The following SIN3A variants were observed in gnomAD, a reference collection of about 807,000 sequenced individuals.
SIN3A encodes the protein paired amphipathic helix protein Sin3a.
In SIN3A, 14 loss-of-function variants were observed where a neutral mutation model predicts 146.1. The ratio of observed to expected loss-of-function variants is 0.10; its 90% confidence interval spans 0.06 to 0.15. The LOEUF (loss-of-function observed/expected upper bound fraction) is 0.15, where lower values mean the gene tolerates loss of function less well. Ranked by LOEUF, SIN3A falls within the 10% of genes least tolerant of loss-of-function variation. The pLI is 1.00. For synonymous variants in SIN3A, 572 were observed against 572.0 expected (o/e 1.00, Z 0.00); for missense variants, 1,028 against 1,576.0 (o/e 0.65, Z 5.89).
chr15:75,372,262 C>A, intron 20 of SIN3A, 53 bp from the exon 21 acceptor site: 2 of 1,247,772 alleles, frequency 1.6e-6, no homozygotes, highest in East Asian at 2.4e-5. Flanking sequence ...CAAAAAAGAG[C>A]CCTTCAAATA....
At chr15:75,437,105 T>C (rs933356689) in intron 1 of SIN3A, among the ~76,000 whole-genome samples, 6 of 151,974 alleles carry the variant, frequency 3.9e-5, no homozygotes, top group Non-Finnish European at 5.9e-5. Context: ...AACAGCCAAG[T>C]CTTCCATGTA....
chr15:75,435,504 C>G (rs1399013634), intron 1 of SIN3A, among the ~76,000 whole-genome samples: 1 of 152,084 alleles, frequency 6.6e-6, no homozygotes, highest in Non-Finnish European at 1.5e-5. Flanking sequence ...TCGAGACCAA[C>G]CTGACCAACA....
intron 12 of SIN3A, among the ~76,000 whole-genome samples, chr15:75,398,756 T>C (rs1031616435): frequency 6.6e-6 from 1 of 151,994 alleles, no homozygotes; most frequent in Non-Finnish European, 1.5e-5. Context: ...ATGTGTGTAA[T>C]CCCAGCACTT....
intron 17 of SIN3A, among the ~76,000 whole-genome samples, chr15:75,383,591 C>T (rs569144034): frequency 7.9e-4 from 119 of 151,328 alleles, no homozygotes; most frequent in African/African-American, 2.4e-3. Context: ...TGCAGTGGCG[C>T]GATCTCAGCT....
chr15:75,434,760 T>C (rs943981026), intron 1 of SIN3A, among the ~76,000 whole-genome samples: 2 of 150,412 alleles, frequency 1.3e-5, no homozygotes, highest in Non-Finnish European at 3.0e-5. Flanking sequence ...ACCAGCCTGA[T>C]CAACATGGAG....
chr15:75,381,629 T>G lies in SIN3A; in HGVS notation c.3272A>C (p.Asp1091Ala). 6.2e-7 allele frequency: 1 copy of G among 1,613,694 alleles called. No homozygotes were observed. The highest frequency in any genetic ancestry group is 1.1e-5 in the South Asian group (1 of 91,010). ...LLDTEEENSD[D>A]PVEAERWSDY... ...TGCTCATACCTCTGCTTCCACAGGG[T>G]CATCCGAATTCTCCTCTTCTGTGTC... The change falls in exon 18 of 21, where the codon GAC (aspartate) becomes GCC (alanine). Residue 1091 changes from aspartate (D) to alanine (A), a missense_variant. Asp to Ala is a moderately radical substitution (Grantham distance 126, BLOSUM62 -2). Transcript: ENST00000394947.
At chr15:75,384,666 T>C (rs1385493385) in intron 16 of SIN3A, among the ~76,000 whole-genome samples, 9 of 152,240 alleles carry the variant, frequency 5.9e-5, no homozygotes, top group African/African-American at 1.4e-4. Context: ...ATGGTAAAAC[T>C]TTCCTATCTA....
At chr15:75,423,135 A>G (rs1449481370) in intron 2 of SIN3A, among the ~76,000 whole-genome samples, 1 of 152,082 alleles carries the variant, frequency 6.6e-6, no homozygotes, top group African/African-American at 2.4e-5. Flanking sequence ...AAACTTGGCC[A>G]GGCATGGCAA....
At position 75,401,542 on chromosome 15, in the gene SIN3A, A is replaced by T. The variant is rs191285882; in HGVS notation, c.1526+310T>A. On this transcript the variant is annotated intron_variant, in intron 10 of 20. Transcript: ENST00000394947. ...AGAGTGAGACTTCATCTCAAAAAAA[A>T]AATAATAATAATAATTTTTAAAAAA... 3.3e-3 allele frequency among the ~76,000 whole-genome samples: 498 copies of T among 152,210 alleles called. 4 individuals carry two copies. The highest frequency in any genetic ancestry group is 0.01 in the African/African-American group (429 of 41,522).
In SIN3A at chr15:75,440,953, G is replaced by T. The variant is rs1441829976; in HGVS notation, c.-34+10470C>A. On this transcript the variant is annotated intron_variant, in intron 1 of 20. Coordinates refer to ENST00000394947, the MANE Select transcript of SIN3A (RefSeq NM_001145358.2). Reference sequence around the variant, plus strand: ...GCTGAGATCGCGCCACTGCACTCCAGCCTGGGTGACAGAGCGAAGACTCTG... The same window carrying T: ...GCTGAGATCGCGCCACTGCACTCCATCCTGGGTGACAGAGCGAAGACTCTG... Among the ~76,000 whole-genome samples, 8 of 139,722 alleles carry T rather than the reference G, an allele frequency of 5.7e-5. No homozygotes were observed. The Admixed American group carries it at 6.1e-4, about 11-fold the overall frequency. The allele number at this position is 139,722 out of a possible 152,430, so 91.7% of individuals were successfully genotyped here. A position where few individuals can be genotyped will look rare whatever the true frequency, so the allele number is the denominator to read the frequency against.
At chr15:75,426,863 T>G (rs1388599913) in intron 2 of SIN3A, among the ~76,000 whole-genome samples, 2 of 151,422 alleles carry the variant, frequency 1.3e-5, no homozygotes, top group African/African-American at 4.9e-5. Flanking sequence ...GCCCAGGAGG[T>G]GAAGGGTGCA....
At chr15:75,433,043 TAAC>T (rs1044510518) in intron 1 of SIN3A, among the ~76,000 whole-genome samples, 7 of 151,496 alleles carry the variant, frequency 4.6e-5, no homozygotes, top group South Asian at 2.1e-4. Context: ...TCTCAAAAAA[TAAC>T]AACAACAAAA....
At chr15:75,417,725 T>G (rs1303323597) in intron 3 of SIN3A, among the ~76,000 whole-genome samples, 1 of 152,172 alleles carries the variant, frequency 6.6e-6, no homozygotes. Context: ...ACATTTACAT[T>G]CAAGTCAATC....
intron 9 of SIN3A, 55 bp downstream of exon 9, chr15:75,407,000 T>C: frequency 8.0e-7 from 1 of 1,256,196 alleles, no homozygotes; most frequent in Non-Finnish European, 1.2e-6. Context: ...GGGGATAAGA[T>C]GATTTTCTTT....
intron 3 of SIN3A, chr15:75,420,656 G>C (rs759239000): frequency 3.3e-5 from 5 of 152,022 alleles, no homozygotes; most frequent in Non-Finnish European, 7.4e-5. Flanking sequence ...CAAAGTGCTG[G>C]GATTACAGGT....
upstream of SIN3A, among the ~76,000 whole-genome samples, chr15:75,452,082 C>T (rs2074420680): frequency 6.6e-6 from 1 of 152,224 alleles, no homozygotes; most frequent in South Asian, 2.1e-4. Context: ...TGGAAGGCTA[C>T]CCCTGGCTCT....
intron 16 of SIN3A, among the ~76,000 whole-genome samples, chr15:75,387,640 TA>T (rs1374200148): frequency 1.4e-5 from 2 of 147,740 alleles, no homozygotes; most frequent in African/African-American, 2.5e-5. Flanking sequence ...ATACAGTAAA[TA>T]ATTGTAACTA....
Position 75,410,215 on chromosome 15 carries a change from G to A in SIN3A, c.1080C>T (p.Ala360=), listed in dbSNP as rs1595906600. The part of the protein sequence containing the change: ...TPALTEQEVY[A]QVARLFKNQE... ...GGTTTTTAAAGAGACGAGCAACCTG[G>A]GCATACACCTCCTGCTCTGTCAATG... Residue 360 remains alanine, a synonymous_variant, in exon 7 of 21, where the codon GCC becomes GCT. Transcript: ENST00000394947. 2 of 1,613,818 alleles carry A rather than the reference G, an allele frequency of 1.2e-6. No individual in the cohort carries two copies. Among genetic ancestry groups the A allele is most frequent in the Non-Finnish European group, 1.7e-6 (2 of 1,179,876 alleles).
intron 11 of SIN3A, 29 bp downstream of exon 11, chr15:75,400,701 G>C (rs769151205): frequency 3.8e-6 from 6 of 1,578,032 alleles, no homozygotes; most frequent in Non-Finnish European, 5.2e-6. Context: ...TGAGGACCCA[G>C]GGCTGATCTT....
Sources: gnomAD v4.1 joint callset for allele counts (sites outside exome capture counted in the v4.1 genomes callset) on GRCh38, gnomAD v4.1.1 for gene constraint, MANE v1.5 for transcripts, NCBI Gene and HGNC (gene_info 2026-07-23, HGNC 2026-07-21) for gene names.